Variants in CYYR1 observed in about 807,000 individuals in gnomAD.
CYYR1 encodes cysteine and tyrosine-rich protein 1.
A neutral mutation model predicts 15.2 loss-of-function variants in CYYR1; 14 were observed. The ratio of observed to expected loss-of-function variants is 0.92; its 90% CI spans 0.61 to 1.44. The LOEUF (loss-of-function observed/expected upper bound fraction) is 1.44, where lower values mean the gene tolerates loss of function less well. Ranked by LOEUF, CYYR1 falls within the 40% of genes most tolerant of loss-of-function variation. The pLI is 0.00. For missense variants in CYYR1, 228 were observed against 209.5 expected (o/e 1.09, Z -0.54); for synonymous variants, 80 against 77.4 (o/e 1.03, Z -0.18).
intron 2 of CYYR1, among the ~76,000 whole-genome samples, chr21:26,496,992 A>G (rs2065413903): frequency 6.6e-6 from 1 of 152,158 alleles, no homozygotes. Context: ...ATCTTCTGGT[A>G]ATGAAAGATA....
chr21:26,490,045 T>G (rs1170082034), intron 2 of CYYR1, among the ~76,000 whole-genome samples: 1 of 152,110 alleles, frequency 6.6e-6, no homozygotes, highest in East Asian at 1.9e-4. Context: ...GGCTCACACC[T>G]GTAATCCCAG....
At chr21:26,526,298 A>C (rs2065864741) in intron 2 of CYYR1, among the ~76,000 whole-genome samples, 1 of 151,994 alleles carries the variant, frequency 6.6e-6, no homozygotes, top group Non-Finnish European at 1.5e-5. Context: ...AAATACAAAA[A>C]ATAGCTGGGC....
chr21:26,548,307 G>A (rs577153793), intron 2 of CYYR1, among the ~76,000 whole-genome samples: 22 of 152,142 alleles, frequency 1.4e-4, no homozygotes, highest in Non-Finnish European at 2.6e-4. Flanking sequence ...AGGATAATAG[G>A]AGTGGACAAT....
rs1411888957 is a variant in CYYR1 at position 26,466,968 on chromosome 21, T to C, written c.*1533A>G. ...ATCAATATCTTTCTAATATAGGTAT[T>C]TGAAAGTAATATATGCTACTTATAA... On this transcript the variant is annotated 3_prime_UTR_variant, in exon 4 of 4. Transcript: ENST00000652641. 1 of 152,162 alleles carries C rather than the reference T, an allele frequency of 6.6e-6. No individual in the cohort carries two copies. The highest frequency in any genetic ancestry group is 2.4e-5 in the African/African-American group (1 of 41,440). The allele number at this position is 152,162 out of a possible 1,614,324, so 9.4% of individuals were successfully genotyped here. A position where few individuals can be genotyped will look rare whatever the true frequency, so the allele number is the denominator to read the frequency against.
intron 2 of CYYR1, among the ~76,000 whole-genome samples, chr21:26,536,483 G>C (rs901120265): frequency 3.3e-5 from 5 of 151,988 alleles, no homozygotes; most frequent in Non-Finnish European, 4.4e-5. Context: ...GACTTTTTTT[G>C]GAAGGTCTAA....
At chr21:26,491,844 C>T (rs907689689) in intron 2 of CYYR1, among the ~76,000 whole-genome samples, 2 of 152,104 alleles carry the variant, frequency 1.3e-5, no homozygotes, top group East Asian at 1.9e-4. Flanking sequence ...CCTGGGCCCT[C>T]GCAAGTTCCC....
At chr21:26,487,082 C>T (rs753912848) in intron 2 of CYYR1, among the ~76,000 whole-genome samples, 6 of 151,854 alleles carry the variant, frequency 4.0e-5, no homozygotes, top group South Asian at 2.1e-4. Context: ...TGATACCACA[C>T]GGATATTTTA....
At chr21:26,498,720 T>C (rs1323976803) in intron 2 of CYYR1, among the ~76,000 whole-genome samples, 1 of 152,150 alleles carries the variant, frequency 6.6e-6, no homozygotes, top group East Asian at 1.9e-4. Context: ...GACTCACACT[T>C]CCGCATGACT....
intron 2 of CYYR1, among the ~76,000 whole-genome samples, chr21:26,522,006 G>T (rs777743769): frequency 6.6e-6 from 1 of 152,218 alleles, no homozygotes; most frequent in African/African-American, 2.4e-5. Flanking sequence ...TCTATCTGAA[G>T]TGAAAAGTCA....
intron 2 of CYYR1, among the ~76,000 whole-genome samples, chr21:26,500,807 T>A (rs933661392): frequency 1.3e-5 from 2 of 152,190 alleles, no homozygotes; most frequent in Admixed American, 6.5e-5. Flanking sequence ...AAGTCTAAGA[T>A]GTTTACTGAC....
chr21:26,494,471 ATTAAATATATAAGTAAT>A (rs2065366807), intron 2 of CYYR1, among the ~76,000 whole-genome samples: 1 of 152,212 alleles, frequency 6.6e-6, no homozygotes, highest in Admixed American at 6.5e-5. Flanking sequence ...TCAAGGTAAT[ATTAAATATATAAGTAAT>A]TATAACTGCA....
chr21:26,539,822 G>A (rs1434399140), intron 2 of CYYR1, among the ~76,000 whole-genome samples: 1 of 152,152 alleles, frequency 6.6e-6, no homozygotes, highest in African/African-American at 2.4e-5. Flanking sequence ...ACACTCAGGA[G>A]GAAGTACAGA....
intron 1 of CYYR1, among the ~76,000 whole-genome samples, chr21:26,570,545 C>T (rs560744513): frequency 4.6e-5 from 7 of 152,318 alleles, no homozygotes; most frequent in African/African-American, 1.7e-4. Flanking sequence ...TTCACTGGGT[C>T]TCCTTCCAAA....
rs143366354 is a variant in CYYR1, at chr21:26,559,282, A to T, written c.176+6984T>A. 1.8e-3 allele frequency among the ~76,000 whole-genome samples: 274 copies of T among 152,302 alleles called. 2 individuals carry two copies. Among genetic ancestry groups the T allele is most frequent in the African/African-American group, 6.4e-3 (265 of 41,568 alleles). ...GCTCTATGCCTTTTTTTGTGCACAC[A>T]CATTGCCCATTATCCTATTCAGGCA... On this transcript the variant is annotated intron_variant, in intron 2 of 3. Coordinates refer to ENST00000652641, the MANE Select transcript of CYYR1 (RefSeq NM_001320768.2).
chr21:26,546,515 C>T (rs1232518572), intron 2 of CYYR1, among the ~76,000 whole-genome samples: 3 of 152,156 alleles, frequency 2.0e-5, no homozygotes, highest in Non-Finnish European at 4.4e-5. Context: ...AATAATTTAA[C>T]TATACATGGA....
At chr21:26,547,931 G>A (rs55727279) in intron 2 of CYYR1, among the ~76,000 whole-genome samples, 1 of 151,432 alleles carries the variant, frequency 6.6e-6, no homozygotes, top group Non-Finnish European at 1.5e-5. Flanking sequence ...GTAGCTAAAC[G>A]GAGTACCAGC....
intron 2 of CYYR1, chr21:26,503,716 T>C (rs1054526838): frequency 1.3e-5 from 2 of 152,136 alleles, no homozygotes; most frequent in Non-Finnish European, 2.9e-5. Flanking sequence ...AGTAATATTT[T>C]TAAGTCACAA....
chr21:26,477,991 T>C (rs920105612), intron 3 of CYYR1: 1 of 1,522,860 alleles, frequency 6.6e-7, no homozygotes, highest in Non-Finnish European at 8.8e-7. Context: ...AGGGTATTGA[T>C]ATATGATTAA....
At chr21:26,490,616 G>T (rs2065315021) in intron 2 of CYYR1, among the ~76,000 whole-genome samples, 1 of 152,152 alleles carries the variant, frequency 6.6e-6, no homozygotes, top group South Asian at 2.1e-4. Context: ...ACAGATTTTT[G>T]AATCAGAGAG....
Sources: gnomAD v4.1 joint callset for allele counts (sites outside exome capture counted in the v4.1 genomes callset) on GRCh38, gnomAD v4.1.1 for gene constraint, MANE v1.5 for transcripts, NCBI Gene and HGNC (gene_info 2026-07-23, HGNC 2026-07-21) for gene names.